The following SMARCC1 variants were observed in gnomAD, a reference collection of about 807,000 sequenced individuals.
The protein encoded by SMARCC1 is SWI/SNF related BAF chromatin remodeling complex subunit C1, also known as SWI/SNF complex subunit SMARCC1.
In SMARCC1, 43 loss-of-function variants were observed where a neutral mutation model predicts 147.4. The ratio of observed to expected loss-of-function variants is 0.29; its 90% confidence interval spans 0.23 to 0.38. The LOEUF (loss-of-function observed/expected upper bound fraction) is 0.38. SMARCC1 is among the 10% of genes least tolerant of loss of function. The pLI, the probability that SMARCC1 is intolerant of heterozygous loss-of-function variation, is 1.00. For missense variants in SMARCC1, 1,119 were observed against 1,381.1 expected (o/e 0.81, Z 3.01); for synonymous variants, 495 against 484.4 (o/e 1.02, Z -0.29).
chr3:47,753,636 C>CCT (rs2034654288), intron 2 of SMARCC1, among the ~76,000 whole-genome samples: 1 of 128,268 alleles, frequency 7.8e-6, no homozygotes. Flanking sequence ...CGCTTGAATT[C>CCT]GGGAGGCGGA....
Position 47,686,048 on chromosome 3 carries a change from C to G in SMARCC1, c.1385+1G>C, listed in dbSNP as rs2033718340. 6.2e-7 allele frequency: 1 copy of G among 1,613,094 alleles called. No homozygotes were observed. The highest frequency in any genetic ancestry group is 8.5e-7 in the Non-Finnish European group (1 of 1,179,386). On this transcript the variant is annotated splice_donor_variant, in intron 14 of 27. Coordinates refer to ENST00000254480, the MANE Select transcript of SMARCC1 (RefSeq NM_003074.4). LOFTEE classifies it high-confidence loss of function. ...CTCACAGATGGAAGTGGTCCACTCACCAGTTATAATCAAACCATGATGCAT... is the reference window on the plus strand; with the variant it reads ...CTCACAGATGGAAGTGGTCCACTCAGCAGTTATAATCAAACCATGATGCAT...
chr3:47,601,036 A>AGAGG (rs1559622882), intron 26 of SMARCC1, among the ~76,000 whole-genome samples: 1 of 134,972 alleles, frequency 7.4e-6, no homozygotes, highest in African/African-American at 2.6e-5. Flanking sequence ...AGAGAGAGAG[A>AGAGG]GAGAGAGAGA....
intron 3 of SMARCC1, among the ~76,000 whole-genome samples, chr3:47,743,589 G>A (rs1400235198): frequency 6.6e-6 from 1 of 151,802 alleles, no homozygotes; most frequent in African/African-American, 2.4e-5. Context: ...CGAGTCTGGC[G>A]GGTCACCTGA....
chr3:47,754,785 G>A (rs951710789), intron 2 of SMARCC1, among the ~76,000 whole-genome samples: 3 of 152,308 alleles, frequency 2.0e-5, no homozygotes, highest in Non-Finnish European at 1.5e-5. Context: ...CCCCACGCCT[G>A]TAATGCCAGA....
intron 12 of SMARCC1, among the ~76,000 whole-genome samples, chr3:47,692,847 G>A (rs533266252): frequency 4.8e-4 from 73 of 152,176 alleles, no homozygotes; most frequent in African/African-American, 1.6e-3. Context: ...GTGAAACCCC[G>A]TCTCTACTAA....
At chr3:47,602,921 G>C (rs974864712) in intron 26 of SMARCC1, among the ~76,000 whole-genome samples, 2 of 152,136 alleles carry the variant, frequency 1.3e-5, no homozygotes. Context: ...AGGCCAAGGC[G>C]AGAGGATCGC....
At chr3:47,628,711 C>T (rs951074906) in intron 24 of SMARCC1, among the ~76,000 whole-genome samples, 19 of 152,240 alleles carry the variant, frequency 1.2e-4, no homozygotes, top group South Asian at 2.1e-4. Flanking sequence ...CCTACAGGCA[C>T]GTGCCACTAT....
rs1000530643 is a variant in SMARCC1 at position 47,618,057 on chromosome 3, C to T, written c.2781+4150G>A. On this transcript the variant is annotated intron_variant, in intron 25 of 27. Coordinates refer to ENST00000254480, the MANE Select transcript of SMARCC1 (RefSeq NM_003074.4). ...GGACTGTCTCATACAAAGAATTTTC[C>T]TGCCACAAACAGCTGACACCAAATG... Among the ~76,000 whole-genome samples the T allele has an allele frequency of 6.6e-5, 10 of 151,972 alleles. No individual in the cohort carries two copies. The East Asian group carries it at 1.7e-3, about 26-fold the overall frequency.
chr3:47,592,438 C>T (rs1346178136), intron 26 of SMARCC1, among the ~76,000 whole-genome samples: 1 of 152,128 alleles, frequency 6.6e-6, no homozygotes, highest in African/African-American at 2.4e-5. Flanking sequence ...TTTTGATATC[C>T]TCCTCCAACC....
At chr3:47,705,820 T>G (rs1478780282) in intron 10 of SMARCC1, among the ~76,000 whole-genome samples, 1 of 152,228 alleles carries the variant, frequency 6.6e-6, no homozygotes, top group East Asian at 1.9e-4. Flanking sequence ...AATTAATTAT[T>G]AAGTACTATT....
chr3:47,611,312 C>T (rs1444762566), intron 25 of SMARCC1, among the ~76,000 whole-genome samples: 1 of 152,144 alleles, frequency 6.6e-6, no homozygotes, highest in Non-Finnish European at 1.5e-5. Flanking sequence ...TTGTCCAATA[C>T]AGCAGTTAGA....
chr3:47,736,936 TA>T (rs1272996810), intron 4 of SMARCC1, among the ~76,000 whole-genome samples: 1 of 152,086 alleles, frequency 6.6e-6, no homozygotes, highest in Non-Finnish European at 1.5e-5. Flanking sequence ...TATCAAACAA[TA>T]AACATATTAG....
intron 20 of SMARCC1, 103 bp from the exon 21 acceptor site, chr3:47,661,558 G>A (rs2033347913): frequency 2.0e-5 from 17 of 869,968 alleles, no homozygotes; most frequent in South Asian, 1.5e-4. Flanking sequence ...ATTGTCTTAG[G>A]TGTAGCAACC....
intron 11 of SMARCC1, among the ~76,000 whole-genome samples, chr3:47,698,620 G>T (rs2033883167): frequency 2.0e-5 from 3 of 151,960 alleles, no homozygotes; most frequent in African/African-American, 7.2e-5. Flanking sequence ...CAAAAAAAAT[G>T]AGATATAAAT....
chr3:47,693,405 A>T (rs1238316599), intron 11 of SMARCC1, 105 bp from the exon 12 acceptor site: 2 of 670,868 alleles, frequency 3.0e-6, no homozygotes, highest in Non-Finnish European at 5.3e-6. Flanking sequence ...TCTCACTACA[A>T]CTGCAACACC....
intron 21 of SMARCC1, among the ~76,000 whole-genome samples, chr3:47,639,197 ACAGATG>A (rs995214104): frequency 5.6e-4 from 85 of 152,340 alleles, no homozygotes; most frequent in African/African-American, 2.0e-3. Flanking sequence ...TTATTATTTA[ACAGATG>A]CCTGACAAGT....
At chr3:47,650,574 G>C (rs1490355921) in intron 21 of SMARCC1, among the ~76,000 whole-genome samples, 1 of 152,010 alleles carries the variant, frequency 6.6e-6, no homozygotes, top group East Asian at 1.9e-4. Context: ...CCAGCACTTT[G>C]AGAGGCCAAG....
intron 2 of SMARCC1, among the ~76,000 whole-genome samples, chr3:47,769,155 G>C (rs2034876376): frequency 7.1e-6 from 1 of 140,044 alleles, no homozygotes; most frequent in African/African-American, 2.6e-5. Context: ...AGGCTGCAGT[G>C]AGCCGAGATC....
chr3:47,692,203 C>G (rs1179449009), intron 12 of SMARCC1, among the ~76,000 whole-genome samples: 2 of 152,186 alleles, frequency 1.3e-5, no homozygotes. Flanking sequence ...TCATCTACAA[C>G]TCTCCAGAAC....
Sources: gnomAD v4.1 joint callset for allele counts (sites outside exome capture counted in the v4.1 genomes callset) on GRCh38, gnomAD v4.1.1 for gene constraint, MANE v1.5 for transcripts, NCBI Gene and HGNC (gene_info 2026-07-23, HGNC 2026-07-21) for gene names.